INVS: variants seen among roughly 807,000 people sequenced by gnomAD.
The protein encoded by INVS is inversion of embryo turning homolog.
In INVS, 86 loss-of-function variants were observed where a neutral mutation model predicts 108.8. That is an observed-to-expected ratio of 0.79 (90% CI 0.66 to 0.95). The LOEUF is 0.95. Among genes scored for constraint, INVS ranks in the 40% least tolerant of loss-of-function variants. The pLI is 0.00. For missense variants in INVS, 1,169 were observed against 1,297.4 expected, an observed-to-expected ratio of 0.90 and a Z score of 1.52; for synonymous variants, 455 against 473.5, an observed-to-expected ratio of 0.96 and a Z score of 0.51.
chr9:100,278,211 C>CAG (rs904123316), intron 12 of INVS, among the ~76,000 whole-genome samples: 14 of 113,068 alleles, frequency 1.2e-4, no homozygotes, highest in South Asian at 8.7e-4. Flanking sequence ...GCCTGGAAGA[C>CAG]AGAGAGAGAG....
rs10527613 is a variant in INVS at position 100,301,139 on chromosome 9, TCACACA to T, written c.*500_*505del. On this transcript the variant is annotated 3_prime_UTR_variant, in exon 17 of 17. Coordinates refer to ENST00000262457, the MANE Select transcript of INVS (RefSeq NM_014425.5). ...CCTGGCATCTAATGCAACAAACTTA[TCACACA>T]CACACACACACACACACACACACAC... The T allele has an allele frequency of 4.8e-3, 805 of 167,878 alleles. 1 individual carries two copies. Among genetic ancestry groups the T allele is most frequent in the Middle Eastern group, 0.01 (5 of 480 alleles). The allele number at this position is 167,878 out of a possible 1,614,324, so 10.4% of individuals were successfully genotyped here.
chr9:100,239,828 C>T (rs1407315348), intron 5 of INVS, among the ~76,000 whole-genome samples: 2 of 151,940 alleles, frequency 1.3e-5, no homozygotes, highest in East Asian at 1.9e-4. Flanking sequence ...AAAAATTAGC[C>T]AGGTGTGGTG....
intron 3 of INVS, among the ~76,000 whole-genome samples, chr9:100,174,696 T>C (rs2119050250): frequency 6.6e-6 from 1 of 152,236 alleles, no homozygotes; most frequent in Non-Finnish European, 1.5e-5. Context: ...GCAGACCACC[T>C]GAGGTCAGGA....
intron 13 of INVS, among the ~76,000 whole-genome samples, chr9:100,289,538 C>T (rs997443502): frequency 6.6e-6 from 1 of 152,244 alleles, no homozygotes. Context: ...TTCCTCTTCT[C>T]GATCACCTGG....
At chr9:100,227,029 A>G (rs1214797779) in intron 4 of INVS, among the ~76,000 whole-genome samples, 3 of 152,120 alleles carry the variant, frequency 2.0e-5, no homozygotes, top group African/African-American at 4.8e-5. Flanking sequence ...TGTGTCCTTG[A>G]GCAAATTGCT....
intron 3 of INVS, among the ~76,000 whole-genome samples, chr9:100,127,052 T>C (rs1243471779): frequency 6.6e-6 from 1 of 151,934 alleles, no homozygotes; most frequent in Non-Finnish European, 1.5e-5. Context: ...AAAAATTAGC[T>C]GGGCATGGTG....
At chr9:100,292,121 A>C (rs1352877869) in intron 13 of INVS, among the ~76,000 whole-genome samples, 1 of 152,180 alleles carries the variant, frequency 6.6e-6, no homozygotes, top group African/African-American at 2.4e-5. Context: ...GATATCCACT[A>C]TATTTTCGTT....
At chr9:100,258,305 T>A (rs1832492388) in intron 10 of INVS, among the ~76,000 whole-genome samples, 1 of 152,210 alleles carries the variant, frequency 6.6e-6, no homozygotes, top group Non-Finnish European at 1.5e-5. Context: ...GCCATTCGTC[T>A]AATCTTTTTC....
chr9:100,244,930 C>T (rs890333487), intron 7 of INVS, among the ~76,000 whole-genome samples: 1 of 152,122 alleles, frequency 6.6e-6, no homozygotes, highest in African/African-American at 2.4e-5. Flanking sequence ...TGTGATTTAA[C>T]CCTGGATTCT....
intron 3 of INVS, among the ~76,000 whole-genome samples, chr9:100,168,676 G>T (rs1829442660): frequency 6.6e-6 from 1 of 152,186 alleles, no homozygotes; most frequent in African/African-American, 2.4e-5. Flanking sequence ...TATTCATGGT[G>T]AAGGGAATAA....
chr9:100,285,559 T>C (rs1833415089), intron 13 of INVS, among the ~76,000 whole-genome samples: 1 of 152,140 alleles, frequency 6.6e-6, no homozygotes, highest in Non-Finnish European at 1.5e-5. Flanking sequence ...GGATTTATTA[T>C]AACAAAGGGA....
chr9:100,141,678 G>A (rs752913321), intron 3 of INVS, among the ~76,000 whole-genome samples: 1 of 152,138 alleles, frequency 6.6e-6, no homozygotes, highest in African/African-American at 2.4e-5. Flanking sequence ...TCCTGGGCAG[G>A]GGCAAATCTC....
chr9:100,243,140 T>C (rs1244764337), intron 7 of INVS, among the ~76,000 whole-genome samples: 1 of 152,198 alleles, frequency 6.6e-6, no homozygotes, highest in African/African-American at 2.4e-5. Flanking sequence ...ACTTCATCTT[T>C]ATATTACTTT....
intron 3 of INVS, among the ~76,000 whole-genome samples, chr9:100,169,242 T>C (rs1564142121): frequency 1.3e-5 from 2 of 152,226 alleles, no homozygotes; most frequent in Admixed American, 6.5e-5. Flanking sequence ...CCTAATTTTT[T>C]CTTCCTTAGC....
At chr9:100,172,876 T>G (rs1022961740) in intron 3 of INVS, among the ~76,000 whole-genome samples, 5 of 152,166 alleles carry the variant, frequency 3.3e-5, no homozygotes, top group South Asian at 2.1e-4. Flanking sequence ...TAGAGTGAAT[T>G]GGCTGCATGG....
chr9:100,152,035 A>C lies in INVS; in HGVS notation c.273+25486A>C, dbSNP rs114999288. ...TTGTTGGACCCAAAGGCAGCATCTT[A>C]TTGTATCCATATTTTGAACTTTCCC... On this transcript the variant is annotated intron_variant, in intron 3 of 16. Transcript: ENST00000262457. Among the ~76,000 whole-genome samples, 870 of 152,290 alleles carry C rather than the reference A, an allele frequency of 5.7e-3. 8 individuals are homozygous for C. Among genetic ancestry groups the C allele is most frequent in the African/African-American group, 0.02 (814 of 41,566 alleles).
intron 3 of INVS, among the ~76,000 whole-genome samples, chr9:100,153,897 G>A (rs191030361): frequency 4.6e-5 from 7 of 152,276 alleles, no homozygotes; most frequent in Middle Eastern, 3.4e-3. Context: ...TCACCTGTTA[G>A]GGATCCCACC....
chr9:100,189,420 C>T (rs12005668), intron 3 of INVS, among the ~76,000 whole-genome samples: 29,059 of 150,906 alleles, frequency 0.19, 4,413 homozygotes, highest in African/African-American at 0.43. Context: ...ATCTCGGAGG[C>T]TTTAATAACT....
At chr9:100,295,447 T>G (rs773583018) in intron 14 of INVS, among the ~76,000 whole-genome samples, 20 of 152,196 alleles carry the variant, frequency 1.3e-4, no homozygotes, top group Non-Finnish European at 1.3e-4. Flanking sequence ...CTATTATATT[T>G]TAACTACATT....
Sources: allele counts gnomAD v4.1 joint callset (sites outside exome capture counted in the v4.1 genomes callset), GRCh38; gene constraint gnomAD v4.1.1; transcripts MANE v1.5; gene names NCBI Gene and HGNC (gene_info 2026-07-23, HGNC 2026-07-21).